Variants in TLN2 observed in about 807,000 individuals in gnomAD.
The protein encoded by TLN2 is talin 2, also known as talin-2.
A neutral mutation model predicts 294.7 loss-of-function variants in TLN2; 118 were observed. That is an observed-to-expected ratio of 0.40 (90% confidence interval 0.34 to 0.47). The LOEUF is 0.47. Among genes scored for constraint, TLN2 ranks in the 20% least tolerant of loss-of-function variants. The probability of loss-of-function intolerance (pLI) is 0.84; values close to 1 mark genes in which losing one functional copy is unlikely to be tolerated. For synonymous variants in TLN2, 1,431 were observed against 1,304.5 expected, an observed-to-expected ratio of 1.10 and a Z score of -2.09; for missense variants, 3,083 against 3,282.2, an observed-to-expected ratio of 0.94 and a Z score of 1.48.
intron 1 of TLN2, among the ~76,000 whole-genome samples, chr15:62,448,502 G>A (rs1066667): frequency 0.61 from 92,206 of 152,068 alleles, 29,398 homozygotes; most frequent in East Asian, 0.99. Flanking sequence ...TCTCTGTCAT[G>A]TGCTGCTTTT....
At chr15:62,472,944 A>G (rs1009910159) in intron 1 of TLN2, among the ~76,000 whole-genome samples, 2 of 152,194 alleles carry the variant, frequency 1.3e-5, no homozygotes, top group African/African-American at 2.4e-5. Flanking sequence ...GTCTGTGGCC[A>G]TGTCTGGTTC....
intron 54 of TLN2, among the ~76,000 whole-genome samples, chr15:62,825,847 A>T (rs1336474040): frequency 2.5e-5 from 2 of 81,606 alleles, no homozygotes; most frequent in African/African-American, 7.3e-5. Flanking sequence ...ATATATATAA[A>T]TATATTATAT....
At chr15:62,503,947 A>G (rs1027288073) in intron 1 of TLN2, among the ~76,000 whole-genome samples, 1 of 152,130 alleles carries the variant, frequency 6.6e-6, no homozygotes, top group African/African-American at 2.4e-5. Flanking sequence ...CACGTAGAAA[A>G]AAGAGTACCG....
intron 1 of TLN2, among the ~76,000 whole-genome samples, chr15:62,462,845 C>A (rs955743146): frequency 6.6e-6 from 1 of 152,160 alleles, no homozygotes; most frequent in African/African-American, 2.4e-5. Context: ...TGTGTCTCAT[C>A]TTTAATGAAA....
At position 62,771,025 on chromosome 15, in the gene TLN2, A is replaced by C; in HGVS notation, c.5258A>C (p.Lys1753Thr). Residue 1753 changes from lysine (K) to threonine (T), a missense_variant, in exon 42 of 59, where the codon AAG becomes ACG. Physicochemically the swap from Lys to Thr is moderately conservative, Grantham distance 78. Coordinates refer to ENST00000636159, the MANE Select transcript of TLN2 (RefSeq NM_015059.3). ...TTAGCCGCAGTTGGTGTGGCCTCCAAGATTCTTGATCATCAGCAGCAGATG... is the reference window on the plus strand; with the variant it reads ...TTAGCCGCAGTTGGTGTGGCCTCCACGATTCTTGATCATCAGCAGCAGATG... ...LILAAVGVAS[K>T]ILDHQQQMTV... 1 of 1,613,656 alleles carries C rather than the reference A, an allele frequency of 6.2e-7. No homozygotes were observed. Among genetic ancestry groups the C allele is most frequent in the Non-Finnish European group, 8.5e-7 (1 of 1,179,944 alleles).
At chr15:62,551,339 T>C (rs2042289582) in intron 1 of TLN2, among the ~76,000 whole-genome samples, 1 of 152,126 alleles carries the variant, frequency 6.6e-6, no homozygotes. Context: ...TACTTCTTAA[T>C]TCCTGTGCAA....
intron 25 of TLN2, 107 bp from the exon 26 acceptor site, chr15:62,722,246 T>TA: frequency 7.7e-7 from 1 of 1,292,038 alleles, no homozygotes; most frequent in Non-Finnish European, 1.0e-6. Context: ...TCCTTTTTTT[T>TA]AGGACAAAAT....
At chr15:62,717,460 T>C (rs1269257518) in intron 23 of TLN2, 116 bp from the exon 24 acceptor site, 2 of 561,678 alleles carry the variant, frequency 3.6e-6, no homozygotes, top group African/African-American at 3.8e-5. Context: ...CAAAGCCTGC[T>C]CTTTGGAGTT....
intron 41 of TLN2, 55 bp from the exon 42 acceptor site, chr15:62,770,909 G>A (rs1056200387): frequency 1.0e-5 from 16 of 1,559,112 alleles, no homozygotes; most frequent in African/African-American, 1.4e-5. Context: ...AGCCCCTGAA[G>A]GAGACACGTG....
chr15:62,616,989 T>C (rs1012811013), intron 2 of TLN2, among the ~76,000 whole-genome samples: 2 of 152,108 alleles, frequency 1.3e-5, no homozygotes, highest in Non-Finnish European at 2.9e-5. Flanking sequence ...ATGCGTGTCT[T>C]CTTGCAGGAT....
At position 62,781,153 on chromosome 15, in the gene TLN2, C is replaced by T. The variant is rs1022021215; in HGVS notation, c.5528C>T (p.Thr1843Ile). 4.3e-6 allele frequency: 7 copies of T among 1,613,802 alleles called. No homozygotes were observed. Among genetic ancestry groups the T allele is most frequent in the South Asian group, 1.1e-5 (1 of 91,080 alleles). ...TCTCCTCTGTAGCTGGATGAAGGCA[C>T]TCCTCCAGAACCAAAGGGAACATTT... ...AEAMSKLDEG[T>I]PPEPKGTFVD... is the part of the protein sequence containing the mutation. The change falls in exon 44 of 59, where the codon ACT (threonine) becomes ATT (isoleucine). Residue 1843 changes from threonine (T) to isoleucine (I), a missense_variant. Transcript: ENST00000636159.
chr15:62,502,756 A>G (rs1595954530), intron 1 of TLN2, among the ~76,000 whole-genome samples: 1 of 152,164 alleles, frequency 6.6e-6, no homozygotes, highest in South Asian at 2.1e-4. Context: ...GGTTATGAGA[A>G]CTGCCACTTG....
chr15:62,414,690 C>T (rs1215794701), intron 1 of TLN2, among the ~76,000 whole-genome samples: 1 of 140,512 alleles, frequency 7.1e-6, no homozygotes, highest in Non-Finnish European at 1.5e-5. Flanking sequence ...GTTTGGTTGC[C>T]TTCTTGTTCT....
At position 62,664,765 on chromosome 15, in the gene TLN2, C is replaced by A. The variant is rs144010465; in HGVS notation, c.788+6867C>A. Among the ~76,000 whole-genome samples the A allele has an allele frequency of 6.4e-4, 91 of 141,182 alleles. 1 individual carries two copies. The highest frequency in any genetic ancestry group is 2.2e-3 in the African/African-American group (85 of 38,026). The allele number at this position is 141,182 out of a possible 152,430, so 92.6% of individuals were successfully genotyped here. ...CCCAGCTACTCGGGAGGCTGAGGCA[C>A]GAGAATCACTTGAACCTGGGAGGCG... On this transcript the variant is annotated intron_variant, in intron 9 of 58. Transcript: ENST00000636159.
intron 1 of TLN2, among the ~76,000 whole-genome samples, chr15:62,541,457 A>T (rs549795595): frequency 4.9e-4 from 75 of 152,034 alleles, no homozygotes; most frequent in African/African-American, 1.8e-3. Flanking sequence ...TCTGGTTTTG[A>T]CCCTGGATGG....
chr15:62,581,650 G>A (rs1461509818), intron 1 of TLN2, among the ~76,000 whole-genome samples: 1 of 152,186 alleles, frequency 6.6e-6, no homozygotes, highest in Admixed American at 6.5e-5. Context: ...TGCTTTGGAG[G>A]TGGGAAGGAA....
intron 2 of TLN2, among the ~76,000 whole-genome samples, chr15:62,605,807 A>T (rs2047387423): frequency 6.6e-6 from 1 of 152,152 alleles, no homozygotes; most frequent in African/African-American, 2.4e-5. Context: ...TCAATATATG[A>T]TGTTTAGACC....
At chr15:62,837,587 T>A (rs762108499) in intron 57 of TLN2, among the ~76,000 whole-genome samples, 5 of 152,178 alleles carry the variant, frequency 3.3e-5, no homozygotes, top group Non-Finnish European at 7.3e-5. Context: ...TGTTGCAATG[T>A]TTTATTTGAG....
intron 32 of TLN2, among the ~76,000 whole-genome samples, chr15:62,746,719 T>C (rs974821092): frequency 1.1e-4 from 17 of 152,248 alleles, no homozygotes; most frequent in African/African-American, 3.9e-4. Flanking sequence ...TTTATTTTTG[T>C]TTAACTTGCC....
Sources: allele counts gnomAD v4.1 joint callset (sites outside exome capture counted in the v4.1 genomes callset), GRCh38; gene constraint gnomAD v4.1.1; transcripts MANE v1.5; gene names NCBI Gene and HGNC (gene_info 2026-07-23, HGNC 2026-07-21).